Variants in PDE1A observed in about 807,000 individuals in gnomAD.
The protein encoded by PDE1A is dual specificity calcium/calmodulin-dependent 3',5'-cyclic nucleotide phosphodiesterase 1A.
In PDE1A, 35 loss-of-function variants were observed where a neutral mutation model predicts 61.7. The ratio of observed to expected loss-of-function variants is 0.57; its 90% CI spans 0.43 to 0.75. The LOEUF is 0.75. Ranked by LOEUF, PDE1A falls within the 30% of genes least tolerant of loss-of-function variation. The pLI, the probability that PDE1A is intolerant of heterozygous loss-of-function variation, is 0.00. For synonymous variants in PDE1A, 232 were observed against 213.2 expected (o/e 1.09, Z -0.77); for missense variants, 597 against 630.6 (o/e 0.95, Z 0.57).
the PDE1A span, among the ~76,000 whole-genome samples, chr2:182,654,390 C>G: frequency 6.6e-6 from 1 of 152,028 alleles, no homozygotes; most frequent in Non-Finnish European, 1.5e-5. Flanking sequence ...GCAATTTCTC[C>G]CAGGTTGCAG....
At chr2:182,594,288 T>C in the PDE1A span, among the ~76,000 whole-genome samples, 26 of 152,356 alleles carry the variant, frequency 1.7e-4, no homozygotes, top group Non-Finnish European at 3.2e-4. Context: ...CTTACAACTC[T>C]CTAATCTAAA....
chr2:182,591,036 A>C, the PDE1A span, among the ~76,000 whole-genome samples: 7 of 152,346 alleles, frequency 4.6e-5, no homozygotes, highest in South Asian at 2.1e-4. Flanking sequence ...TACAAAACAA[A>C]TATTTAAGAA....
chr2:182,504,287 C>T (rs990616279), intron 2 of PDE1A, among the ~76,000 whole-genome samples: 3 of 152,130 alleles, frequency 2.0e-5, no homozygotes, highest in Admixed American at 6.6e-5. Flanking sequence ...TTCCAAGGTG[C>T]GCTAAAGTGA....
At chr2:182,653,552 T>C in the PDE1A span, among the ~76,000 whole-genome samples, 4 of 152,180 alleles carry the variant, frequency 2.6e-5, no homozygotes, top group Non-Finnish European at 5.9e-5. Flanking sequence ...ATTCTGTAAG[T>C]GCTTGAATGA....
chr2:182,527,837 A>G (rs1690800573), upstream of PDE1A, among the ~76,000 whole-genome samples: 1 of 152,034 alleles, frequency 6.6e-6, no homozygotes, highest in Admixed American at 6.6e-5. Context: ...AAGTCTCATG[A>G]GATCTCATAG....
chr2:182,494,952 T>G (rs1266342439), intron 2 of PDE1A, among the ~76,000 whole-genome samples: 6 of 152,150 alleles, frequency 3.9e-5, no homozygotes, highest in African/African-American at 1.2e-4. Context: ...TCTGTGGTCT[T>G]CTCACTGCAG....
chr2:182,360,133 C>G (rs1173543238), intron 1 of PDE1A, among the ~76,000 whole-genome samples: 1 of 152,114 alleles, frequency 6.6e-6, no homozygotes, highest in Non-Finnish European at 1.5e-5. Context: ...GACTTTGACA[C>G]TGTTTTGGAA....
chr2:182,460,349 G>A (rs573236651), intron 2 of PDE1A, among the ~76,000 whole-genome samples: 5 of 152,120 alleles, frequency 3.3e-5, no homozygotes, highest in East Asian at 3.9e-4. Context: ...TCACCAGTTC[G>A]ACCTTTCATT....
chr2:182,466,060 C>A (rs1417926260), intron 2 of PDE1A, among the ~76,000 whole-genome samples: 1 of 151,204 alleles, frequency 6.6e-6, no homozygotes, highest in Non-Finnish European at 1.5e-5. Context: ...GTGTGTGTAA[C>A]CTGCCAGTTC....
chr2:182,483,148 G>C (rs560076931), intron 2 of PDE1A, among the ~76,000 whole-genome samples: 1 of 151,898 alleles, frequency 6.6e-6, no homozygotes, highest in East Asian at 1.9e-4. Flanking sequence ...AATCATAGCT[G>C]TATACTTACA....
In PDE1A at chr2:182,199,030, T is replaced by C. The variant is rs569515309; in HGVS notation, c.1125+2409A>G. On this transcript the variant is annotated intron_variant, in intron 10 of 13. Coordinates refer to ENST00000351439, the Ensembl canonical transcript of PDE1A. ...GTACAAATTCAACTTTTGAAACAGA[T>C]ATATGAATATTCAGACTACATGATT... Among the ~76,000 whole-genome samples, 5 of 152,114 alleles carry C rather than the reference T, an allele frequency of 3.3e-5. No individual in the cohort carries two copies. In the South Asian group the frequency reaches 1.0e-3, roughly 31 times the overall value.
chr2:182,508,060 A>T (rs1182401145), intron 2 of PDE1A, among the ~76,000 whole-genome samples: 1 of 152,084 alleles, frequency 6.6e-6, no homozygotes, highest in Non-Finnish European at 1.5e-5. Context: ...ACAAGAATAG[A>T]GTAGTAGCTT....
chr2:182,186,011 C>T (rs1415499016), exon 13 of PDE1A: 1 of 1,614,070 alleles, frequency 6.2e-7, no homozygotes, highest in Non-Finnish European at 8.5e-7. Context: ...GGACCCATCA[C>T]TCATGGAGCC....
chr2:182,322,767 G>T (rs181181313), intron 1 of PDE1A, among the ~76,000 whole-genome samples: 44 of 152,134 alleles, frequency 2.9e-4, no homozygotes, highest in Middle Eastern at 3.4e-3. Flanking sequence ...AGAATTTGTA[G>T]AACACTCCAG....
the PDE1A span, among the ~76,000 whole-genome samples, chr2:182,601,233 T>C: frequency 6.6e-6 from 1 of 152,110 alleles, no homozygotes; most frequent in Non-Finnish European, 1.5e-5. Context: ...CCACTGCACA[T>C]AGTCACACTG....
intron 4 of PDE1A, among the ~76,000 whole-genome samples, chr2:182,232,210 A>G (rs1360415292): frequency 2.0e-5 from 3 of 152,268 alleles, no homozygotes; most frequent in Admixed American, 2.0e-4. Context: ...GAGGAGAGTG[A>G]GCAGGGATAT....
the PDE1A span, among the ~76,000 whole-genome samples, chr2:182,530,805 T>G: frequency 6.6e-6 from 1 of 151,974 alleles, no homozygotes; most frequent in East Asian, 1.9e-4. Flanking sequence ...AAGAAAATAA[T>G]AAAATGAAAC....
chr2:182,284,810 AC>A (rs1455219801), intron 1 of PDE1A, among the ~76,000 whole-genome samples: 6 of 152,128 alleles, frequency 3.9e-5, no homozygotes. Context: ...ATAATAACTA[AC>A]ATTTATTAAG....
At chr2:182,349,404 C>A (rs1345997816) in intron 1 of PDE1A, among the ~76,000 whole-genome samples, 1 of 152,110 alleles carries the variant, frequency 6.6e-6, no homozygotes. Flanking sequence ...ACTACAACAA[C>A]AAATTGAATG....
Sources: allele counts gnomAD v4.1 joint callset (sites outside exome capture counted in the v4.1 genomes callset), GRCh38; gene constraint gnomAD v4.1.1; transcripts MANE v1.5; gene names NCBI Gene and HGNC (gene_info 2026-07-23, HGNC 2026-07-21).